Variants in OSBPL1A observed in about 807,000 individuals in gnomAD.
OSBPL1A encodes oxysterol-binding protein-related protein 1.
OSBPL1A carries 80 observed loss-of-function variants against 137.1 expected under a neutral mutation model. That is an observed-to-expected ratio of 0.58 (90% CI 0.49 to 0.70). OSBPL1A has a LOEUF of 0.70. Among genes scored for constraint, OSBPL1A ranks in the 30% least tolerant of loss-of-function variants. The pLI, the probability that OSBPL1A is intolerant of heterozygous loss-of-function variation, is 0.00. For synonymous variants in OSBPL1A, 365 were observed against 389.7 expected (o/e 0.94, Z 0.75); for missense variants, 970 against 1,129.4 (o/e 0.86, Z 2.02).
chr18:24,263,768 T>C (rs776131815), intron 15 of OSBPL1A, among the ~76,000 whole-genome samples: 4 of 152,122 alleles, frequency 2.6e-5, no homozygotes, highest in Admixed American at 1.3e-4. Flanking sequence ...CCCGAGTAGC[T>C]GGGATTACAG....
At chr18:24,387,887 G>A in intron 1 of OSBPL1A, among the ~76,000 whole-genome samples, 2 of 151,904 alleles carry the variant, frequency 1.3e-5, no homozygotes. Context: ...GCCACCAGAA[G>A]CTGCAGTTTC....
rs190131134 is a variant in OSBPL1A, at chr18:24,345,848, A to G, written c.283-4190T>C. On this transcript the variant is annotated intron_variant, in intron 4 of 27. Coordinates refer to ENST00000319481, the MANE Select transcript of OSBPL1A (RefSeq NM_080597.4). ...TTACTAATTTTCATAGCACTTCTAA[A>G]TGCCTGTATTGTTTGCTCCTCTTTT... Among the ~76,000 whole-genome samples the G allele has an allele frequency of 9.3e-3, 1,409 of 152,214 alleles. 12 individuals carry two copies. The highest frequency in any genetic ancestry group is 0.014 in the South Asian group (67 of 4,822).
intron 1 of OSBPL1A, among the ~76,000 whole-genome samples, chr18:24,396,961 T>G (rs920900578): frequency 3.3e-5 from 5 of 152,230 alleles, no homozygotes; most frequent in African/African-American, 9.6e-5. Flanking sequence ...TAGCCACATT[T>G]GCAACATTCA....
chr18:24,313,918 G>A (rs936351394), intron 12 of OSBPL1A, among the ~76,000 whole-genome samples: 1 of 151,762 alleles, frequency 6.6e-6, no homozygotes, highest in Non-Finnish European at 1.5e-5. Flanking sequence ...CCTGGGCAAT[G>A]TGGTGAAACC....
intron 15 of OSBPL1A, among the ~76,000 whole-genome samples, chr18:24,276,913 AC>A (rs2146068138): frequency 6.6e-6 from 1 of 152,282 alleles, no homozygotes; most frequent in Admixed American, 6.5e-5. Context: ...CACACTGTAA[AC>A]CCCCAAGATT....
chr18:24,223,703 G>A (rs1355266082), intron 17 of OSBPL1A, among the ~76,000 whole-genome samples: 4 of 152,218 alleles, frequency 2.6e-5, no homozygotes, highest in Non-Finnish European at 5.9e-5. Flanking sequence ...GCACACATAC[G>A]AAAGAACTAC....
chr18:24,193,254 G>A (rs1822649), intron 18 of OSBPL1A, among the ~76,000 whole-genome samples: 1 of 151,818 alleles, frequency 6.6e-6, no homozygotes, highest in Non-Finnish European at 1.5e-5. Context: ...TTGGAAGCCA[G>A]GGTGGGTGGA....
chr18:24,170,520 G>GT, intron 23 of OSBPL1A, 67 bp from the exon 24 acceptor site: 1 of 1,591,396 alleles, frequency 6.3e-7, no homozygotes, highest in Non-Finnish European at 8.6e-7. Flanking sequence ...ACAGCACCTG[G>GT]TATTCCCAGG....
At chr18:24,348,943 G>A (rs1226219830) in intron 4 of OSBPL1A, among the ~76,000 whole-genome samples, 2 of 151,978 alleles carry the variant, frequency 1.3e-5, no homozygotes, top group African/African-American at 2.4e-5. Flanking sequence ...CCAGGTCTGG[G>A]ATCACTTGAG....
chr18:24,328,025 T>C (rs987771875), intron 7 of OSBPL1A, among the ~76,000 whole-genome samples: 1 of 146,542 alleles, frequency 6.8e-6, no homozygotes, highest in Non-Finnish European at 1.5e-5. Context: ...GTAAAGACAC[T>C]AGAAATCACA....
chr18:24,368,894 T>C (rs886888814), intron 2 of OSBPL1A, among the ~76,000 whole-genome samples: 2 of 152,100 alleles, frequency 1.3e-5, no homozygotes, highest in African/African-American at 4.8e-5. Flanking sequence ...TCATGTTGAA[T>C]TGGAGCAGGG....
At chr18:24,262,049 C>A (rs1040295352) in intron 15 of OSBPL1A, among the ~76,000 whole-genome samples, 7 of 152,252 alleles carry the variant, frequency 4.6e-5, no homozygotes, top group Admixed American at 4.6e-4. Flanking sequence ...TCTCTATAAG[C>A]TCTAAAATAG....
At chr18:24,381,163 A>C (rs1231209209) in intron 1 of OSBPL1A, among the ~76,000 whole-genome samples, 1 of 152,184 alleles carries the variant, frequency 6.6e-6, no homozygotes, top group Non-Finnish European at 1.5e-5. Context: ...GCTTGAGCTC[A>C]ACTCTGAATA....
intron 4 of OSBPL1A, among the ~76,000 whole-genome samples, chr18:24,351,525 GTTT>G (rs2091441139): frequency 1.4e-5 from 2 of 142,442 alleles, no homozygotes; most frequent in Non-Finnish European, 3.0e-5. Flanking sequence ...CCATGCAATT[GTTT>G]TTTGTTTGTT....
intron 14 of OSBPL1A, among the ~76,000 whole-genome samples, chr18:24,303,389 G>A (rs2090440704): frequency 6.6e-6 from 1 of 152,054 alleles, no homozygotes; most frequent in African/African-American, 2.4e-5. Flanking sequence ...TAATTTACAG[G>A]CCAAAAACAT....
At chr18:24,188,696 T>C (rs895764752) in intron 18 of OSBPL1A, among the ~76,000 whole-genome samples, 4 of 152,216 alleles carry the variant, frequency 2.6e-5, no homozygotes, top group Non-Finnish European at 5.9e-5. Context: ...TTTTAAAATA[T>C]AGCAACTTAC....
chr18:24,363,438 CT>C (rs1424874726), intron 4 of OSBPL1A, among the ~76,000 whole-genome samples: 10 of 141,590 alleles, frequency 7.1e-5, no homozygotes, highest in Admixed American at 2.1e-4. Context: ...CTTTCTTTTT[CT>C]TTTTTTCCTT....
chr18:24,273,491 G>A (rs1448249498), intron 15 of OSBPL1A, among the ~76,000 whole-genome samples: 1 of 152,160 alleles, frequency 6.6e-6, no homozygotes, highest in African/African-American at 2.4e-5. Flanking sequence ...ACATATATGC[G>A]CTCAATTTCA....
chr18:24,170,147 A>ACT (rs1555624028), intron 24 of OSBPL1A, among the ~76,000 whole-genome samples, 180 bp downstream of exon 24: 2 of 151,890 alleles, frequency 1.3e-5, no homozygotes, highest in Non-Finnish European at 2.9e-5. Context: ...ATCCTATACA[A>ACT]GGCTATGCCG....
Sources: allele counts gnomAD v4.1 joint callset (sites outside exome capture counted in the v4.1 genomes callset), GRCh38; gene constraint gnomAD v4.1.1; transcripts MANE v1.5; gene names NCBI Gene and HGNC (gene_info 2026-07-23, HGNC 2026-07-21).